Variants in PDXDC1 observed in about 807,000 individuals in gnomAD.
PDXDC1 encodes the protein pyridoxal dependent decarboxylase domain containing 1, also known as pyridoxal-dependent decarboxylase domain-containing protein 1.
A neutral mutation model predicts 100.1 loss-of-function variants in PDXDC1; 42 were observed. The observed-to-expected ratio is 0.42, with a 90% CI of 0.33 to 0.54. The LOEUF is 0.54. Ranked by LOEUF, PDXDC1 falls within the 20% of genes least tolerant of loss-of-function variation. The probability of loss-of-function intolerance (pLI) is 0.10; values close to 1 mark genes in which losing one functional copy is unlikely to be tolerated. For synonymous variants in PDXDC1, 260 were observed against 371.7 expected, an observed-to-expected ratio of 0.70 and a Z score of 3.46; for missense variants, 636 against 979.2, an observed-to-expected ratio of 0.65 and a Z score of 4.68.
intron 16 of PDXDC1, chr16:15,104,172 C>CA (rs371611602): frequency 0.1 from 55,312 of 542,686 alleles, no homozygotes; most frequent in East Asian, 0.13. Context: ...ACTCCAGTCT[C>CA]AAAAAAAAAA....
At chr16:15,047,877 G>A (rs765223432) in intron 16 of PDXDC1, 14 of 1,613,516 alleles carry the variant, frequency 8.7e-6, no homozygotes, top group Non-Finnish European at 1.0e-5. Flanking sequence ...GGACCACAAT[G>A]TGACAAGTAG....
At chr16:15,038,334 G>T, downstream of PDXDC1, 1 of 716,756 alleles carries the variant, frequency 1.4e-6, no homozygotes, top group South Asian at 2.2e-5. Context: ...AAGAAATGAG[G>T]TGGCCTGAAT....
downstream of PDXDC1, among the ~76,000 whole-genome samples, chr16:15,144,107 G>A (rs1461850003): frequency 2.0e-5 from 3 of 152,158 alleles, no homozygotes; most frequent in South Asian, 2.1e-4. Context: ...TGGAGGAGCC[G>A]GTTCCCCTCC....
At chr16:15,075,463 G>A (rs764660128) in intron 16 of PDXDC1, among the ~76,000 whole-genome samples, 33 of 151,776 alleles carry the variant, frequency 2.2e-4, no homozygotes, top group Non-Finnish European at 3.1e-4. Context: ...CCAGCTACTC[G>A]GGGAGGCTGA....
At chr16:15,040,336 A>G (rs2043757384), downstream of PDXDC1, 5 of 392,400 alleles carry the variant, frequency 1.3e-5, no homozygotes, top group Admixed American at 4.4e-5. Context: ...CCATTCCTTC[A>G]GTCGGACATG....
In PDXDC1 at chr16:15,125,434, C is replaced by G. The variant is rs3863421; in HGVS notation, c.1400-13445C>G. The G allele has an allele frequency of 3.8e-3, 3,124 of 815,276 alleles. 12 individuals are homozygous for G. The highest frequency in any genetic ancestry group is 4.9e-3 in the Non-Finnish European group (2,315 of 475,400). The allele number at this position is 815,276 out of a possible 1,614,324, so 50.5% of individuals were successfully genotyped here. ...GGGCTTCCGAGCAAACCTGCTCCCA[C>G]GTGGTGTGACCACATGGAGCCACAG... On this transcript the variant is annotated intron_variant, in intron 16 of 16. Transcript: ENST00000535621.
the PDXDC1 span, among the ~76,000 whole-genome samples, chr16:15,149,117 A>G: frequency 6.6e-6 from 1 of 152,128 alleles, no homozygotes; most frequent in Non-Finnish European, 1.5e-5. Context: ...TCTTCCTAGA[A>G]GACACGGGCC....
intron 14 of PDXDC1, among the ~76,000 whole-genome samples, chr16:15,026,975 AT>A (rs2042651986): frequency 6.6e-6 from 1 of 152,254 alleles, no homozygotes; most frequent in African/African-American, 2.4e-5. Context: ...GAACATAAAG[AT>A]TTGTGGGTCT....
At chr16:15,061,754 C>G (rs747258359) in intron 16 of PDXDC1, 20 of 1,611,576 alleles carry the variant, frequency 1.2e-5, no homozygotes, top group Non-Finnish European at 9.3e-6. Flanking sequence ...TCAGAGGGGA[C>G]TGGGTTGCAT....
intron 16 of PDXDC1, chr16:15,104,797 A>C (rs1452008300): frequency 6.4e-7 from 1 of 1,559,728 alleles, no homozygotes; most frequent in Admixed American, 1.8e-5. Flanking sequence ...ACACATATTC[A>C]TTTGATGGAC....
At chr16:15,133,384 T>C in intron 16 of PDXDC1, 1 of 1,050,616 alleles carries the variant, frequency 9.5e-7, no homozygotes. Context: ...TGAGCCCCAT[T>C]GCGCTGCCGT....
At chr16:15,056,017 C>A (rs139773894) in intron 16 of PDXDC1, 40,147 of 1,030,420 alleles carry the variant, frequency 0.039, 1,090 homozygotes, top group African/African-American at 0.12. Flanking sequence ...GGCGGCCCCC[C>A]GCTTTGCAGC....
At chr16:15,030,841 A>T (rs1442421167) in intron 16 of PDXDC1, among the ~76,000 whole-genome samples, 3 of 152,014 alleles carry the variant, frequency 2.0e-5, no homozygotes, top group African/African-American at 7.2e-5. Context: ...ATTTTCCACT[A>T]CAAGGGTTCT....
At chr16:15,102,638 G>A (rs955987696) in intron 16 of PDXDC1, among the ~76,000 whole-genome samples, 17 of 150,722 alleles carry the variant, frequency 1.1e-4, no homozygotes, top group African/African-American at 3.9e-4. Flanking sequence ...TACCCAAGAC[G>A]GGGATTTTCA....
At chr16:15,111,755 T>TGA (rs2047076607) in intron 16 of PDXDC1, among the ~76,000 whole-genome samples, 1 of 12,910 alleles carries the variant, frequency 7.7e-5, no homozygotes, top group Non-Finnish European at 2.1e-4. Flanking sequence ...AGACTCCGTC[T>TGA]CAAAAAAAAA....
At chr16:15,134,109 CTCTGCCCTGTCAGCCCCACT>C in intron 16 of PDXDC1, 1 of 1,486,638 alleles carries the variant, frequency 6.7e-7, no homozygotes, top group Non-Finnish European at 9.2e-7. Flanking sequence ...GGGCGCAACC[CTCTGCCCTGTCAGCCCCACT>C]TCTGCCTGCA....
In PDXDC1 at chr16:15,026,716, T is replaced by C. The variant is rs369376398; in HGVS notation, c.1204+10T>C. ...GAATTACCAGGCTCAGGTCGGTGAA[T>C]TTTAAAAGAGGGTTATTTTCATATC... On this transcript the variant is annotated intron_variant, in intron 14 of 22. Transcript: ENST00000396410. 452 of 1,612,686 alleles carry C rather than the reference T, an allele frequency of 2.8e-4. No individual in the cohort carries two copies. In the African/African-American group the frequency reaches 5.4e-3, roughly 19 times the overall value.
chr16:14,987,096 G>GAA (rs1241551174), intron 1 of PDXDC1, among the ~76,000 whole-genome samples: 2 of 148,106 alleles, frequency 1.4e-5, no homozygotes, highest in Non-Finnish European at 3.0e-5. Context: ...GTGGAAAAAG[G>GAA]AAAAAAAAAA....
At chr16:15,069,948 G>C (rs2045150632) in intron 16 of PDXDC1, 6 of 1,446,924 alleles carry the variant, frequency 4.1e-6, no homozygotes, top group Non-Finnish European at 5.7e-6. Flanking sequence ...TTAAAAGTTT[G>C]AGTGCACATG....
Sources: allele counts gnomAD v4.1 joint callset (sites outside exome capture counted in the v4.1 genomes callset), GRCh38; gene constraint gnomAD v4.1.1; transcripts MANE v1.5; gene names NCBI Gene and HGNC (gene_info 2026-07-23, HGNC 2026-07-21).